Variants in KCNQ1 observed in about 807,000 individuals in gnomAD.
The protein encoded by KCNQ1 is potassium voltage-gated channel subfamily Q member 1.
KCNQ1 carries 49 observed loss-of-function variants against 72.4 expected under a neutral mutation model. The ratio of observed to expected loss-of-function variants is 0.68; its 90% CI spans 0.54 to 0.86. The LOEUF (loss-of-function observed/expected upper bound fraction) is 0.86, where lower values mean the gene tolerates loss of function less well. Among genes scored for constraint, KCNQ1 ranks in the 40% least tolerant of loss-of-function variants. The pLI is 0.00. For synonymous variants in KCNQ1, 450 were observed against 412.6 expected (o/e 1.09, Z -1.10); for missense variants, 790 against 945.1 (o/e 0.84, Z 2.15).
intron 10 of KCNQ1, among the ~76,000 whole-genome samples, chr11:2,607,757 A>G (rs1848905153): frequency 6.6e-6 from 1 of 152,216 alleles, no homozygotes; most frequent in African/African-American, 2.4e-5. Context: ...GGTGTATTAC[A>G]TTAATTGATT....
chr11:2,665,602 G>A lies in KCNQ1; in HGVS notation c.1514+3521G>A, dbSNP rs544576923. 4 of 396,502 alleles carry A rather than the reference G, an allele frequency of 1.0e-5. No homozygotes were observed. The South Asian group carries it at 5.2e-4, about 52-fold the overall frequency. The allele number at this position is 396,502 out of a possible 1,614,324, so 24.6% of individuals were successfully genotyped here. A position where few individuals can be genotyped will look rare whatever the true frequency, so the allele number is the denominator to read the frequency against. On this transcript the variant is annotated intron_variant, in intron 11 of 15. Coordinates refer to ENST00000155840, the MANE Select transcript of KCNQ1 (RefSeq NM_000218.3). ...AACGTCTGCTCAGTAAACCCCCCAG[G>A]ACACACTTAGGCTGTACGGCTGTGT...
In KCNQ1 at chr11:2,703,577, T is replaced by A. The variant is rs1034383811; in HGVS notation, c.1514+41496T>A. Reference sequence around the variant, plus strand: ...TCTCTTGATTCCAAGGTATTTAGAGTGGGGGTGGGGGATTAGGGGAGGAAG... The same window carrying A: ...TCTCTTGATTCCAAGGTATTTAGAGAGGGGGTGGGGGATTAGGGGAGGAAG... On this transcript the variant is annotated intron_variant, in intron 11 of 15. Coordinates refer to ENST00000155840, the MANE Select transcript of KCNQ1 (RefSeq NM_000218.3). The surrounding 1 kb of genome is among the most constrained non-coding windows in gnomAD (Gnocchi z 6.4). Among the ~76,000 whole-genome samples, 5 of 151,942 alleles carry A rather than the reference T, an allele frequency of 3.3e-5. No homozygotes were observed. The highest frequency in any genetic ancestry group is 1.2e-4 in the African/African-American group (5 of 41,322).
At chr11:2,568,035 G>A (rs577834146) in intron 2 of KCNQ1, among the ~76,000 whole-genome samples, 26 of 152,248 alleles carry the variant, frequency 1.7e-4, no homozygotes, top group Middle Eastern at 3.4e-3. Context: ...TTGGGAGGCC[G>A]AAGCAGGCAG....
intron 2 of KCNQ1, among the ~76,000 whole-genome samples, chr11:2,545,676 T>C (rs1803107310): frequency 6.6e-6 from 1 of 152,162 alleles, no homozygotes; most frequent in Non-Finnish European, 1.5e-5. Context: ...TCTATTTAGG[T>C]GATTGATAAT....
intron 15 of KCNQ1, among the ~76,000 whole-genome samples, chr11:2,806,903 G>A (rs1009876620): frequency 7.2e-5 from 11 of 152,064 alleles, no homozygotes; most frequent in South Asian, 2.1e-4. Flanking sequence ...AGGCCAGCCC[G>A]AGAGGGACGG....
rs1015347889 is a variant in KCNQ1 at position 2,603,784 on chromosome 11, G to A, written c.1393+14930G>A. Among the ~76,000 whole-genome samples the A allele has an allele frequency of 8.6e-5, 13 of 151,780 alleles. No homozygotes were observed. The highest frequency in any genetic ancestry group is 2.0e-4 in the Admixed American group (3 of 15,230). ...CGGCTCACTGCAACCTCCGCCTCCC[G>A]GGTTCAAGCAATTCACCCGCCTCAG... On this transcript the variant is annotated intron_variant, in intron 10 of 15. Coordinates refer to ENST00000155840, the MANE Select transcript of KCNQ1 (RefSeq NM_000218.3). This position sits in a 1 kb window ranked among gnomAD's most constrained non-coding sequence, Gnocchi z 4.1.
intron 15 of KCNQ1, among the ~76,000 whole-genome samples, chr11:2,811,296 G>C (rs1194219075): frequency 6.6e-6 from 1 of 152,210 alleles, no homozygotes; most frequent in Non-Finnish European, 1.5e-5. Context: ...TATCGCAACT[G>C]GTCCTAGCCT....
At position 2,563,301 on chromosome 11, in the gene KCNQ1, A is replaced by G. The variant is rs988636769; in HGVS notation, c.478-7327A>G. Among the ~76,000 whole-genome samples the G allele has an allele frequency of 3.9e-5, 6 of 152,232 alleles. No individual in the cohort carries two copies. The highest frequency in any genetic ancestry group is 7.3e-5 in the Non-Finnish European group (5 of 68,044). On this transcript the variant is annotated intron_variant, in intron 2 of 15. Coordinates refer to ENST00000155840, the MANE Select transcript of KCNQ1 (RefSeq NM_000218.3). This position sits in a 1 kb window ranked among gnomAD's most constrained non-coding sequence, Gnocchi z 7.4. The stretch of plus-strand genomic sequence containing the variant: ...AACACCGGTTCCACGGCCGGTTGCA[A>G]CACGTTTGAGCCAAAGTGCGACCTT...
Position 2,600,635 on chromosome 11 carries a change from G to A in KCNQ1, c.1393+11781G>A, listed in dbSNP as rs992166802. The stretch of plus-strand genomic sequence containing the variant: ...GCAATTAAACATCAATATAATACTT[G>A]GACCTAATTTAATGCCTATGTTCCC... On this transcript the variant is annotated intron_variant, in intron 10 of 15. Transcript: ENST00000155840. The surrounding 1 kb of genome is among the most constrained non-coding windows in gnomAD (Gnocchi z 5.6). 3.3e-5 allele frequency among the ~76,000 whole-genome samples: 5 copies of A among 152,106 alleles called. No individual in the cohort carries two copies. The highest frequency in any genetic ancestry group is 1.3e-4 in the Admixed American group (2 of 15,274).
chr11:2,836,705 T>C (rs1848072572), intron 15 of KCNQ1, among the ~76,000 whole-genome samples: 1 of 152,194 alleles, frequency 6.6e-6, no homozygotes, highest in African/African-American at 2.4e-5. Flanking sequence ...AAACAAGCAG[T>C]GGAGAGCCAC....
intron 11 of KCNQ1, among the ~76,000 whole-genome samples, chr11:2,760,029 G>C (rs1368153815): frequency 6.6e-6 from 1 of 152,206 alleles, no homozygotes; most frequent in Non-Finnish European, 1.5e-5. Flanking sequence ...CCCAGTCCGG[G>C]AAACTTCCTG....
Position 2,698,147 on chromosome 11 carries a change from C to CA in KCNQ1, c.1514+36067dup, listed in dbSNP as rs1186693716. 2 of 398,524 alleles carry CA rather than the reference C, an allele frequency of 5.0e-6. No individual in the cohort carries two copies. Among genetic ancestry groups the CA allele is most frequent in the Non-Finnish European group, 8.8e-6 (2 of 226,076 alleles). The allele number at this position is 398,524 out of a possible 1,614,324, so 24.7% of individuals were successfully genotyped here. A position where few individuals can be genotyped will look rare whatever the true frequency, so the allele number is the denominator to read the frequency against. On this transcript the variant is annotated intron_variant, in intron 11 of 15. Transcript: ENST00000155840. The surrounding 1 kb of genome is among the most constrained non-coding windows in gnomAD (Gnocchi z 5.1). ...ACAGAGCAGGCAGCAGAAAACAAAA[C>CA]AGAGTTCCTCGTTGGGAGCTTTTGG...
intron 15 of KCNQ1, among the ~76,000 whole-genome samples, chr11:2,820,231 G>A (rs955456932): frequency 9.2e-5 from 14 of 152,068 alleles, no homozygotes; most frequent in African/African-American, 3.4e-4. Context: ...ATACCCTATA[G>A]GAAGCATCCC....
chr11:2,472,419 T>G (rs1280089839), intron 1 of KCNQ1, among the ~76,000 whole-genome samples: 1 of 151,934 alleles, frequency 6.6e-6, no homozygotes, highest in Non-Finnish European at 1.5e-5. Flanking sequence ...CACCTATGGG[T>G]GTGTGTGTGT....
intron 6 of KCNQ1, among the ~76,000 whole-genome samples, chr11:2,576,443 T>C (rs1382107374): frequency 3.3e-5 from 5 of 152,184 alleles, no homozygotes; most frequent in African/African-American, 1.2e-4. Context: ...AAAGTTTGAG[T>C]GGAGGGAGAA....
intron 11 of KCNQ1, among the ~76,000 whole-genome samples, chr11:2,733,880 C>T (rs1845908577): frequency 7.6e-6 from 1 of 132,396 alleles, no homozygotes; most frequent in Admixed American, 7.6e-5. Flanking sequence ...AGGGCCTTCG[C>T]GCCCGCTGTT....
At chr11:2,743,263 A>G (rs1846086552) in intron 11 of KCNQ1, among the ~76,000 whole-genome samples, 4 of 151,914 alleles carry the variant, frequency 2.6e-5, no homozygotes, top group Admixed American at 2.6e-4. Context: ...GAGGGTCTTC[A>G]AGGCCCTGTG....
At chr11:2,751,196 G>A (rs541778732) in intron 11 of KCNQ1, among the ~76,000 whole-genome samples, 2 of 152,258 alleles carry the variant, frequency 1.3e-5, no homozygotes, top group South Asian at 4.2e-4. Context: ...TGAGCGGAGG[G>A]TCACCCTGGT....
At chr11:2,524,289 A>G (rs974387907) in intron 1 of KCNQ1, among the ~76,000 whole-genome samples, 1 of 152,138 alleles carries the variant, frequency 6.6e-6, no homozygotes, top group African/African-American at 2.4e-5. Context: ...CCGAGGGTCA[A>G]AGGGGCCCAG....
Sources: allele counts gnomAD v4.1 joint callset (sites outside exome capture counted in the v4.1 genomes callset), GRCh38; gene constraint gnomAD v4.1.1; non-coding constraint Gnocchi (gnomAD v3.1); transcripts MANE v1.5; gene names NCBI Gene and HGNC (gene_info 2026-07-23, HGNC 2026-07-21).